CDH1: variants seen among roughly 807,000 people sequenced by gnomAD.
CDH1 encodes the protein cadherin-1.
CDH1 carries 35 observed loss-of-function variants against 84.5 expected under a neutral mutation model. The observed-to-expected ratio is 0.41, with a 90% CI of 0.32 to 0.55. The LOEUF (loss-of-function observed/expected upper bound fraction) is 0.55. Among genes scored for constraint, CDH1 ranks in the 20% least tolerant of loss-of-function variants. The probability of loss-of-function intolerance (pLI) is 0.19; values close to 1 mark genes in which losing one functional copy is unlikely to be tolerated. For missense variants in CDH1, 994 were observed against 1,126.6 expected (o/e 0.88, Z 1.68); for synonymous variants, 417 against 439.0 (o/e 0.95, Z 0.63).
intron 8 of CDH1, among the ~76,000 whole-genome samples, chr16:68,813,012 T>A (rs1960881658): frequency 6.6e-6 from 1 of 152,060 alleles, no homozygotes; most frequent in Non-Finnish European, 1.5e-5. Flanking sequence ...TGCACCCCAG[T>A]GCGCCCATTG....
At chr16:68,790,915 G>A (rs978373098) in intron 2 of CDH1, among the ~76,000 whole-genome samples, 3 of 152,152 alleles carry the variant, frequency 2.0e-5, no homozygotes, top group Non-Finnish European at 4.4e-5. Flanking sequence ...TGTCCTCTCT[G>A]GGAGAGGCCT....
At chr16:68,738,197 C>T in intron 1 of CDH1, 100 bp from the exon 2 acceptor site, 1 of 812,446 alleles carries the variant, frequency 1.2e-6, no homozygotes, top group Non-Finnish European at 2.0e-6. Flanking sequence ...CTCCCCCAAT[C>T]CCGACGCCGG....
intron 2 of CDH1, among the ~76,000 whole-genome samples, chr16:68,757,891 C>T (rs1963055261): frequency 1.3e-5 from 2 of 151,112 alleles, no homozygotes; most frequent in Non-Finnish European, 2.9e-5. Context: ...CTCCTGGGCT[C>T]AAGTCATCCC....
chr16:68,778,070 C>T (rs893884640), intron 2 of CDH1, among the ~76,000 whole-genome samples: 9 of 135,016 alleles, frequency 6.7e-5, no homozygotes, highest in South Asian at 4.9e-4. Context: ...ATTTTTGAGA[C>T]GGAATCTCGC....
At position 68,787,880 on chromosome 16, in the gene CDH1, C is replaced by T. The variant is rs904692281; in HGVS notation, c.164-13790C>T. The stretch of plus-strand genomic sequence containing the variant: ...CACTCTTGTTGCCCAGGCTGGAGTA[C>T]AATGGCATGATCTTGGCTCACCGCA... On this transcript the variant is annotated intron_variant, in intron 2 of 15. Coordinates refer to ENST00000261769, the MANE Select transcript of CDH1 (RefSeq NM_004360.5). 5.8e-5 allele frequency among the ~76,000 whole-genome samples: 8 copies of T among 139,012 alleles called. No homozygotes were observed. The East Asian group carries it at 6.4e-4, about 11-fold the overall frequency. The allele number at this position is 139,012 out of a possible 152,430, so 91.2% of individuals were successfully genotyped here.
At chr16:68,808,917 C>A (rs2152130423) in intron 5 of CDH1, 69 bp downstream of exon 5, 1 of 1,469,472 alleles carries the variant, frequency 6.8e-7, no homozygotes, top group Non-Finnish European at 9.4e-7. Context: ...TCAACCCATG[C>A]TGGATCCGCA....
intron 2 of CDH1, among the ~76,000 whole-genome samples, chr16:68,751,952 A>T (rs1437459384): frequency 3.6e-4 from 45 of 125,736 alleles, no homozygotes; most frequent in African/African-American, 1.2e-3. Flanking sequence ...GTATTTTTGT[A>T]TTTTTTTTTT....
intron 2 of CDH1, among the ~76,000 whole-genome samples, chr16:68,787,439 A>C (rs1331599051): frequency 6.6e-6 from 1 of 152,144 alleles, no homozygotes; most frequent in African/African-American, 2.4e-5. Context: ...CACAGTGCCC[A>C]CACGTAATGA....
At chr16:68,778,970 C>T (rs1959804124) in intron 2 of CDH1, among the ~76,000 whole-genome samples, 1 of 152,110 alleles carries the variant, frequency 6.6e-6, no homozygotes, top group African/African-American at 2.4e-5. Context: ...AGAGGTTTTG[C>T]CATTATTTAA....
At position 68,808,420 on chromosome 16, in the gene CDH1, T is replaced by C. The variant is rs750722169; in HGVS notation, c.388-4T>C. 6.8e-6 allele frequency: 11 copies of C among 1,614,074 alleles called. No homozygotes were observed. Among genetic ancestry groups the C allele is most frequent in the South Asian group, 3.3e-5 (3 of 91,092 alleles). On this transcript the variant is annotated splice_polypyrimidine_tract_variant and splice_region_variant and intron_variant, in intron 3 of 15. Transcript: ENST00000261769. ...ATCTTGTTCCTCATCTTCTTTCCTT[T>C]TAGGCCTCCGTTTCTGGAATCCAAG...
intron 2 of CDH1, among the ~76,000 whole-genome samples, chr16:68,779,970 A>ACTT (rs1455928118): frequency 6.6e-5 from 10 of 152,116 alleles, no homozygotes; most frequent in Non-Finnish European, 7.4e-5. Context: ...GACACTCCTT[A>ACTT]CTTCTCCCAG....
At chr16:68,829,214 T>C (rs140642196) in intron 14 of CDH1, among the ~76,000 whole-genome samples, 1 of 152,324 alleles carries the variant, frequency 6.6e-6, no homozygotes, top group East Asian at 1.9e-4. Context: ...GTCTGTTCCA[T>C]GCAAGTCTCA....
rs2152144987 is a variant in CDH1, at chr16:68,835,279, G to C, written c.*1780G>C. ...CAAAGAAAAGACTTTTGTTGAAATA[G>C]CTTTACTGTTTCTCAAGTGTTTTGG... is the stretch of plus-strand genomic sequence containing the variant. On this transcript the variant is annotated 3_prime_UTR_variant, in exon 16 of 16. Coordinates refer to ENST00000261769, the MANE Select transcript of CDH1 (RefSeq NM_004360.5). 1 of 227,522 alleles carries C rather than the reference G, an allele frequency of 4.4e-6. No homozygotes were observed. Among genetic ancestry groups the C allele is most frequent in the South Asian group, 1.8e-4 (1 of 5,456 alleles). 14.1% of individuals were successfully genotyped at this position (227,522 alleles called of 1,614,324 possible).
intron 10 of CDH1, among the ~76,000 whole-genome samples, chr16:68,818,983 G>A (rs1051788050): frequency 2.0e-5 from 3 of 151,990 alleles, no homozygotes; most frequent in African/African-American, 4.8e-5. Context: ...ACCCTCCCCA[G>A]TAGCTGGGAT....
intron 2 of CDH1, among the ~76,000 whole-genome samples, chr16:68,745,640 A>G (rs986991091): frequency 2.3e-5 from 1 of 44,414 alleles, no homozygotes; most frequent in Non-Finnish European, 5.8e-5. Flanking sequence ...TATATATTTC[A>G]TGATGCACAT....
chr16:68,830,223 G>C (rs901552921), intron 15 of CDH1, among the ~76,000 whole-genome samples: 3 of 151,974 alleles, frequency 2.0e-5, no homozygotes, highest in Admixed American at 2.0e-4. Context: ...AAAGTGCTGG[G>C]ATTACAGGTG....
intron 2 of CDH1, among the ~76,000 whole-genome samples, chr16:68,754,879 C>T (rs752306580): frequency 3.9e-5 from 6 of 152,066 alleles, no homozygotes; most frequent in Non-Finnish European, 5.9e-5. Context: ...GAATAAAACT[C>T]AGCAGGAAGG....
chr16:68,771,897 T>G (rs1460983194), intron 2 of CDH1, among the ~76,000 whole-genome samples: 4 of 152,188 alleles, frequency 2.6e-5, no homozygotes. Flanking sequence ...GCTTTTATTC[T>G]GTGTCTGACA....
At chr16:68,786,032 TG>T (rs890885616) in intron 2 of CDH1, among the ~76,000 whole-genome samples, 1 of 152,196 alleles carries the variant, frequency 6.6e-6, no homozygotes, top group Non-Finnish European at 1.5e-5. Flanking sequence ...CATCTCCTTG[TG>T]GTGGTAGCAA....
Sources: gnomAD v4.1 joint callset for allele counts (sites outside exome capture counted in the v4.1 genomes callset) on GRCh38, gnomAD v4.1.1 for gene constraint, MANE v1.5 for transcripts, NCBI Gene and HGNC (gene_info 2026-07-23, HGNC 2026-07-21) for gene names.